RDH13: variants seen among roughly 807,000 people sequenced by gnomAD.
The protein encoded by RDH13 is retinol dehydrogenase 13, also known as retinol dehydrogenase 13 (all-trans and 9-cis).
A neutral mutation model predicts 28.3 loss-of-function variants in RDH13; 35 were observed. The ratio of observed to expected loss-of-function variants is 1.24; its 90% CI spans 0.95 to 1.64. The LOEUF is 1.64. Among genes scored for constraint, RDH13 ranks in the 40% most tolerant of loss-of-function variants. The pLI, the probability that RDH13 is intolerant of heterozygous loss-of-function variation, is 0.00. For synonymous variants in RDH13, 229 were observed against 198.5 expected (o/e 1.15, Z -1.29); for missense variants, 514 against 446.3 (o/e 1.15, Z -1.37).
At position 55,059,164 on chromosome 19, in the gene RDH13, G is replaced by T. The variant is rs758673763; in HGVS notation, c.177C>A (p.Ala59=). ...AAGCAGGGGAGATTTTACCTCTCCT[G>T]GCCAGTTCCAAGGCGGTCTGCTTCC... ...GIGKQTALEL[A]RRGGNIILAC... The change falls in exon 2 of 7, where the codon GCC becomes GCA. Residue 59 remains alanine, a synonymous_variant. Coordinates refer to ENST00000415061, the MANE Select transcript of RDH13 (RefSeq NM_001145971.2). 6.3e-7 allele frequency: 1 copy of T among 1,586,490 alleles called. No homozygotes were observed. Among genetic ancestry groups the T allele is most frequent in the Non-Finnish European group, 8.6e-7 (1 of 1,164,454 alleles).
rs1236644492 is a variant in RDH13, at chr19:55,063,013, G to C, written c.20C>G (p.Pro7Arg). 3 of 1,463,756 alleles carry C rather than the reference G, an allele frequency of 2.0e-6. No individual in the cohort carries two copies. Among genetic ancestry groups the C allele is most frequent in the East Asian group, 5.8e-5 (2 of 34,672 alleles). The allele number at this position is 1,463,756 out of a possible 1,614,324, so 90.7% of individuals were successfully genotyped here. Residue 7 changes from proline (P) to arginine (R), a missense_variant, in exon 1 of 7, where the codon CCG (proline) becomes CGG (arginine). Physicochemically the swap from Pro to Arg is moderately radical, Grantham distance 103. Transcript: ENST00000415061. ...TGCTACCGTGCCCAGCGCCGACAGC[G>C]GCAGCAGGTAGCGGCTCATGCCGGG... is the stretch of plus-strand genomic sequence containing the variant. MSRYLL[P>R]LSALGTVAGA...
At chr19:55,064,805 G>A (rs748790930), upstream of RDH13, among the ~76,000 whole-genome samples, 223 of 150,184 alleles carry the variant, frequency 1.5e-3, no homozygotes, top group Non-Finnish European at 1.7e-3. Flanking sequence ...TAGAGACGGG[G>A]TTTCACCATG....
At chr19:55,054,255 T>TTGACTCTGAAGA (rs2075559202) in intron 3 of RDH13, among the ~76,000 whole-genome samples, 1 of 152,132 alleles carries the variant, frequency 6.6e-6, no homozygotes, top group Non-Finnish European at 1.5e-5. Flanking sequence ...GCGGGGCACA[T>TTGACTCTGAAGA]TGACTCTGAA....
chr19:55,043,676 G>A (rs2075103294), downstream of RDH13, among the ~76,000 whole-genome samples: 1 of 152,096 alleles, frequency 6.6e-6, no homozygotes, highest in Non-Finnish European at 1.5e-5. Flanking sequence ...GCTGTTCTGT[G>A]TACTGTGGGA....
rs1325131484 is a variant in RDH13 at position 55,045,234 on chromosome 19, TC to T, written c.835del (p.Glu279AsnfsTer41). 1 of 1,613,336 alleles carries T rather than the reference TC, an allele frequency of 6.2e-7. No individual in the cohort carries two copies. The highest frequency in any genetic ancestry group is 1.1e-5 in the South Asian group (1 of 91,078). The stretch of plus-strand genomic sequence containing the variant: ...GTACTTTCCGGAAACATCCGCCAGT[TC>T]CTCCGCCACGGCCAGGTATGTGCTG... ...QPSTYLAVAE[E>X]LADVSGKYFD... On this transcript the variant is annotated frameshift_variant, in exon 7 of 7. Coordinates refer to ENST00000415061, the MANE Select transcript of RDH13 (RefSeq NM_001145971.2). LOFTEE classifies it low-confidence loss of function (END_TRUNC).
chr19:55,048,274 G>T, intron 5 of RDH13, 55 bp downstream of exon 5: 7 of 1,606,726 alleles, frequency 4.4e-6, no homozygotes, highest in Non-Finnish European at 5.9e-6. Context: ...TCATGGAAAG[G>T]CCGCTCTAGG....
upstream of RDH13, among the ~76,000 whole-genome samples, chr19:55,068,058 TCCC>T (rs1290004427): frequency 1.4e-5 from 2 of 141,314 alleles, no homozygotes; most frequent in Non-Finnish European, 1.5e-5. Context: ...TCTCTCTTTC[TCCC>T]CCATCTCTCT....
intron 3 of RDH13, among the ~76,000 whole-genome samples, chr19:55,051,684 TC>T (rs2075441476): frequency 1.3e-5 from 2 of 151,260 alleles, no homozygotes; most frequent in Admixed American, 1.3e-4. Flanking sequence ...CGCCTCTGCC[TC>T]CCAAAGTGCA....
chr19:55,046,029 C>G (rs2075218943), intron 6 of RDH13, among the ~76,000 whole-genome samples: 1 of 150,762 alleles, frequency 6.6e-6, no homozygotes, highest in African/African-American at 2.4e-5. Flanking sequence ...AGGTGGATCA[C>G]CTGAGGTCAG....
chr19:55,066,723 G>A (rs2147094427), upstream of RDH13, among the ~76,000 whole-genome samples: 1 of 146,222 alleles, frequency 6.8e-6, no homozygotes, highest in South Asian at 2.2e-4. Flanking sequence ...CTTCTTGTGT[G>A]TGTCTCTCTC....
chr19:55,066,443 C>T (rs113289056), upstream of RDH13, among the ~76,000 whole-genome samples: 5 of 21,706 alleles, frequency 2.3e-4, no homozygotes, highest in African/African-American at 2.8e-4. Flanking sequence ...TGTCTTCTCT[C>T]CCTCTCTCTC....
chr19:55,050,212 G>A (rs2075385216), intron 3 of RDH13, among the ~76,000 whole-genome samples: 1 of 151,628 alleles, frequency 6.6e-6, no homozygotes, highest in Admixed American at 6.6e-5. Context: ...TGCCTCCCAG[G>A]TTCAAACAAT....
At chr19:55,045,534 T>G (rs760408821) in intron 6 of RDH13, among the ~76,000 whole-genome samples, 1 of 152,190 alleles carries the variant, frequency 6.6e-6, no homozygotes, top group Non-Finnish European at 1.5e-5. Context: ...GGAGCCTTCC[T>G]GGCTTTGTCC....
upstream of RDH13, among the ~76,000 whole-genome samples, chr19:55,066,437 T>C (rs1568749557): frequency 6.9e-6 from 1 of 145,412 alleles, no homozygotes; most frequent in African/African-American, 2.6e-5. Flanking sequence ...CCTCTCTGTC[T>C]TCTCTCCCTC....
At chr19:55,052,817 C>G (rs141098786) in intron 3 of RDH13, among the ~76,000 whole-genome samples, 4 of 152,042 alleles carry the variant, frequency 2.6e-5, no homozygotes, top group African/African-American at 9.6e-5. Flanking sequence ...CCCGCCACCA[C>G]GCCCGGCTAA....
upstream of RDH13, among the ~76,000 whole-genome samples, chr19:55,066,763 A>G (rs796230350): frequency 2.7e-5 from 4 of 148,402 alleles, no homozygotes; most frequent in Non-Finnish European, 4.5e-5. Context: ...TCTCCCCCCA[A>G]CTCTCTTTCC....
chr19:55,045,737 G>C (rs928921353), intron 6 of RDH13, among the ~76,000 whole-genome samples: 1 of 151,966 alleles, frequency 6.6e-6, no homozygotes, highest in African/African-American at 2.4e-5. Flanking sequence ...CCTGGGGTCG[G>C]GAGTTCCAGA....
At chr19:55,060,564 T>C (rs557492466) in intron 1 of RDH13, among the ~76,000 whole-genome samples, 97 of 152,362 alleles carry the variant, frequency 6.4e-4, no homozygotes, top group Non-Finnish European at 1.2e-3. Context: ...GTCCTTGGTA[T>C]GCTGAGCGCC....
chr19:55,065,202 C>A (rs958295053), upstream of RDH13, among the ~76,000 whole-genome samples: 2 of 151,068 alleles, frequency 1.3e-5, no homozygotes, highest in African/African-American at 2.4e-5. Context: ...CTGGACAACA[C>A]GGCAAAACCT....
Sources: allele counts gnomAD v4.1 joint callset (sites outside exome capture counted in the v4.1 genomes callset), GRCh38; gene constraint gnomAD v4.1.1; transcripts MANE v1.5; gene names NCBI Gene and HGNC (gene_info 2026-07-23, HGNC 2026-07-21).